Variants in RANBP2 observed in about 807,000 individuals in gnomAD.
The protein encoded by RANBP2 is E3 SUMO-protein ligase RanBP2.
Under a neutral mutation model 303.6 loss-of-function variants are expected in RANBP2, and 57 were observed. The ratio of observed to expected loss-of-function variants is 0.19; its 90% CI spans 0.15 to 0.23. The LOEUF is 0.23. Ranked by LOEUF, RANBP2 falls within the 10% of genes least tolerant of loss-of-function variation. The probability of loss-of-function intolerance (pLI) is 1.00; values close to 1 mark genes in which losing one functional copy is unlikely to be tolerated. For synonymous variants in RANBP2, 1,167 were observed against 1,301.5 expected (o/e 0.90, Z 2.23); for missense variants, 3,138 against 3,780.8 (o/e 0.83, Z 4.46).
At chr2:109,533,904 G>A in the RANBP2 span, among the ~76,000 whole-genome samples, 1 of 152,334 alleles carries the variant, frequency 6.6e-6, no homozygotes, top group South Asian at 2.1e-4. Context: ...CTCCCGCCAT[G>A]TGGAGTGGCC....
At chr2:108,926,912 C>T in the RANBP2 span, among the ~76,000 whole-genome samples, 1 of 152,196 alleles carries the variant, frequency 6.6e-6, no homozygotes, top group East Asian at 1.9e-4. Flanking sequence ...TCCTGTGATC[C>T]TCCTCTGTGA....
the RANBP2 span, among the ~76,000 whole-genome samples, chr2:109,037,522 C>T: frequency 6.6e-6 from 1 of 151,964 alleles, no homozygotes; most frequent in Admixed American, 6.6e-5. Context: ...TAAAACTGCC[C>T]TTATTTGTCA....
chr2:109,301,770 C>T, the RANBP2 span, among the ~76,000 whole-genome samples: 3 of 152,352 alleles, frequency 2.0e-5, no homozygotes, highest in South Asian at 4.1e-4. Context: ...TCCTACCCAT[C>T]CTTTTTGGGT....
chr2:109,033,832 T>C, the RANBP2 span, among the ~76,000 whole-genome samples: 1 of 151,560 alleles, frequency 6.6e-6, no homozygotes, highest in Non-Finnish European at 1.5e-5. Flanking sequence ...GGCGGGCACC[T>C]GTAGTCCCAG....
the RANBP2 span, among the ~76,000 whole-genome samples, chr2:108,796,749 C>T: frequency 6.6e-6 from 1 of 152,112 alleles, no homozygotes; most frequent in Middle Eastern, 3.4e-3. Context: ...TGTTCTCACT[C>T]GTGTGGGGTG....
At chr2:109,475,522 C>T in the RANBP2 span, among the ~76,000 whole-genome samples, 2 of 152,218 alleles carry the variant, frequency 1.3e-5, no homozygotes, top group Admixed American at 1.3e-4. Flanking sequence ...CTGCCTCATA[C>T]AGTTGGCTGT....
the RANBP2 span, among the ~76,000 whole-genome samples, chr2:109,640,114 A>C: frequency 6.6e-6 from 1 of 151,028 alleles, no homozygotes; most frequent in Non-Finnish European, 1.5e-5. Context: ...TTTTTCTGAA[A>C]GCATGCACTA....
chr2:108,971,918 C>T, the RANBP2 span, among the ~76,000 whole-genome samples: 11 of 152,322 alleles, frequency 7.2e-5, no homozygotes, highest in East Asian at 2.1e-3. Flanking sequence ...CCTGCTGTGC[C>T]GTGGCTGCTG....
At chr2:109,192,798 T>C in the RANBP2 span, among the ~76,000 whole-genome samples, 1 of 152,218 alleles carries the variant, frequency 6.6e-6, no homozygotes, top group Non-Finnish European at 1.5e-5. Context: ...GTTCAGACTT[T>C]GACAAATATG....
At chr2:109,297,512 C>G in the RANBP2 span, among the ~76,000 whole-genome samples, 668 of 151,778 alleles carry the variant, frequency 4.4e-3, 3 homozygotes, top group African/African-American at 0.016. Flanking sequence ...GCCTCCGACC[C>G]AAGTCAGTGC....
At chr2:108,997,719 G>A in the RANBP2 span, among the ~76,000 whole-genome samples, 1,101 of 152,000 alleles carry the variant, frequency 7.2e-3, 8 homozygotes, top group South Asian at 0.029. Flanking sequence ...GTGAAGTCCC[G>A]TCTCTACTAA....
chr2:109,148,129 C>T, the RANBP2 span, among the ~76,000 whole-genome samples: 1 of 152,194 alleles, frequency 6.6e-6, no homozygotes, highest in Non-Finnish European at 1.5e-5. Context: ...TTTGTGTGGC[C>T]TTTTGGTCTC....
chr2:108,852,243 T>G, the RANBP2 span, among the ~76,000 whole-genome samples: 1 of 152,180 alleles, frequency 6.6e-6, no homozygotes, highest in Non-Finnish European at 1.5e-5. Flanking sequence ...TGAAATAAAA[T>G]TTAACTGTAA....
At chr2:109,573,965 A>G in the RANBP2 span, among the ~76,000 whole-genome samples, 1 of 152,212 alleles carries the variant, frequency 6.6e-6, no homozygotes, top group Non-Finnish European at 1.5e-5. Context: ...AGTGGCATAA[A>G]GTAAAATTAG....
At chr2:108,974,329 CAAAAAAA>C in the RANBP2 span, among the ~76,000 whole-genome samples, 8 of 61,526 alleles carry the variant, frequency 1.3e-4, no homozygotes, top group East Asian at 9.9e-4. Flanking sequence ...GGATCCGTCT[CAAAAAAA>C]AAAAAAAAAA....
the RANBP2 span, among the ~76,000 whole-genome samples, chr2:109,515,579 C>T: frequency 7.2e-5 from 11 of 152,108 alleles, no homozygotes; most frequent in Admixed American, 2.6e-4. Flanking sequence ...TCAGCCAGAT[C>T]TCCAGCACCC....
At chr2:108,987,754 C>T in the RANBP2 span, among the ~76,000 whole-genome samples, 2 of 152,166 alleles carry the variant, frequency 1.3e-5, no homozygotes, top group Non-Finnish European at 2.9e-5. Context: ...CTTTCCCAGC[C>T]GTGAAGGGTA....
chr2:109,561,189 C>G, the RANBP2 span, among the ~76,000 whole-genome samples: 1 of 152,180 alleles, frequency 6.6e-6, no homozygotes, highest in African/African-American at 2.4e-5. Flanking sequence ...CTGCAGTGAA[C>G]TGATCTTCTT....
the RANBP2 span, among the ~76,000 whole-genome samples, chr2:109,767,648 G>A: frequency 4.2e-3 from 618 of 148,566 alleles, 30 homozygotes; most frequent in African/African-American, 0.015. Flanking sequence ...GTGTTTGAAG[G>A]CATTTAGCTG....
Sources: allele counts gnomAD v4.1 joint callset (sites outside exome capture counted in the v4.1 genomes callset), GRCh38; gene constraint gnomAD v4.1.1; transcripts MANE v1.5; gene names NCBI Gene and HGNC (gene_info 2026-07-23, HGNC 2026-07-21).